VIRMA: variants seen among roughly 807,000 people sequenced by gnomAD.
VIRMA encodes the protein protein virilizer homolog.
VIRMA carries 65 observed loss-of-function variants against 182.4 expected under a neutral mutation model. The observed-to-expected ratio is 0.36, with a 90% CI of 0.29 to 0.44. VIRMA has a LOEUF of 0.44. Ranked by LOEUF, VIRMA falls within the 20% of genes least tolerant of loss-of-function variation. The pLI is 1.00. For synonymous variants in VIRMA, 709 were observed against 743.1 expected (o/e 0.95, Z 0.75); for missense variants, 1,752 against 2,158.1 (o/e 0.81, Z 3.73).
At chr8:94,510,879 T>C (rs1222255521) in intron 13 of VIRMA, 11 of 946,172 alleles carry the variant, frequency 1.2e-5, no homozygotes, top group Non-Finnish European at 1.7e-5. Context: ...TGAAGCAATC[T>C]AGTTATTGGC....
chr8:94,542,994 C>T (rs560731146), intron 2 of VIRMA, among the ~76,000 whole-genome samples: 41 of 152,164 alleles, frequency 2.7e-4, no homozygotes, highest in Admixed American at 9.8e-4. Flanking sequence ...CCACAACCTC[C>T]GCCTCCCAGG....
chr8:94,542,919 C>CT (rs1366863297), intron 2 of VIRMA, among the ~76,000 whole-genome samples: 5 of 151,790 alleles, frequency 3.3e-5, no homozygotes, highest in South Asian at 2.1e-4. Context: ...AACTCTTTTT[C>CT]TTTTTTTTGA....
At chr8:94,532,527 A>G (rs1229320943) in intron 5 of VIRMA, among the ~76,000 whole-genome samples, 1 of 152,236 alleles carries the variant, frequency 6.6e-6, no homozygotes, top group Non-Finnish European at 1.5e-5. Context: ...AATAAGCTCC[A>G]TAGATTACAC....
intron 22 of VIRMA, among the ~76,000 whole-genome samples, chr8:94,490,656 G>A (rs1482152721): frequency 6.6e-6 from 1 of 152,012 alleles, no homozygotes; most frequent in Non-Finnish European, 1.5e-5. Flanking sequence ...AGACCAGCCC[G>A]GCCAACATGG....
intron 2 of VIRMA, among the ~76,000 whole-genome samples, chr8:94,541,667 G>C (rs774006386): frequency 4.5e-4 from 68 of 152,086 alleles, no homozygotes; most frequent in Non-Finnish European, 4.4e-4. Flanking sequence ...TCAGCCTCCT[G>C]AGTAGCTGGG....
In VIRMA at chr8:94,491,664, G is replaced by T; in HGVS notation, c.5054C>A (p.Ser1685Tyr). 6.2e-7 allele frequency: 1 copy of T among 1,614,192 alleles called. No homozygotes were observed. Among genetic ancestry groups the T allele is most frequent in the Non-Finnish European group, 8.5e-7 (1 of 1,180,032 alleles). The change falls in exon 22 of 24, where the codon TCT becomes TAT. Residue 1685 changes from serine to tyrosine, a missense_variant. By Grantham distance (144) the Ser-to-Tyr change is moderately radical. This residue lies in a region of VIRMA where 132 missense variants were observed against 173.8 expected (regional missense o/e 0.76). Coordinates refer to ENST00000297591, the MANE Select transcript of VIRMA (RefSeq NM_015496.5). ...ATTGCCTGAAAACCCACCACGGGAAGAAATCTTCTGTGATACTTTGAGTGG... is the reference window on the plus strand; with the variant it reads ...ATTGCCTGAAAACCCACCACGGGAATAAATCTTCTGTGATACTTTGAGTGG... Reference protein sequence around the residue: ...KRPLKVSQKISSRGGFSGNRG... With the variant: ...KRPLKVSQKIYSRGGFSGNRG...
At chr8:94,506,797 A>G (rs1814167899) in intron 15 of VIRMA, 80 bp from the exon 16 acceptor site, 3 of 770,756 alleles carry the variant, frequency 3.9e-6, no homozygotes, top group Admixed American at 4.8e-5. Flanking sequence ...ATACATAGCA[A>G]TTAATATTCA....
intron 8 of VIRMA, among the ~76,000 whole-genome samples, chr8:94,522,995 G>GA (rs1163750213): frequency 6.6e-6 from 1 of 151,820 alleles, no homozygotes; most frequent in Non-Finnish European, 1.5e-5. Flanking sequence ...CATATGGTGG[G>GA]AAAAAAACAC....
chr8:94,519,527 T>C (rs1204565112), intron 8 of VIRMA, 51 bp from the exon 9 acceptor site: 1 of 1,499,482 alleles, frequency 6.7e-7, no homozygotes, highest in South Asian at 1.4e-5. Flanking sequence ...GCATTCTTCA[T>C]TTACTCAATA....
intron 3 of VIRMA, 95 bp downstream of exon 3, chr8:94,538,165 G>A: frequency 4.8e-6 from 4 of 828,892 alleles, no homozygotes; most frequent in Non-Finnish European, 8.3e-6. Flanking sequence ...GGGTCTACCA[G>A]CAGATACATC....
chr8:94,491,901 G>C lies in VIRMA; in HGVS notation c.4817C>G (p.Ser1606Cys). The C allele has an allele frequency of 6.5e-7, 1 of 1,540,212 alleles. No homozygotes were observed. Among genetic ancestry groups the C allele is most frequent in the South Asian group, 1.2e-5 (1 of 80,032 alleles). Reference sequence around the variant, plus strand: ...TCTTTTGGCAGGTTCAATGTATTCAGATTTTCCACTATTAAAACAAAAACA... The same window carrying C: ...TCTTTTGGCAGGTTCAATGTATTCACATTTTCCACTATTAAAACAAAAACA... ...HETFITSSGKSEYIEPAKRAH... is the reference protein window; with the variant it reads ...HETFITSSGKCEYIEPAKRAH... Residue 1606 changes from serine to cysteine, a missense_variant, in exon 22 of 24, where the codon TCT (serine) becomes TGT (cysteine). Around this residue, in one of 11 missense-constraint regions of VIRMA, gnomAD observed 27 missense variants for 60.8 expected, o/e 0.44. Coordinates refer to ENST00000297591, the MANE Select transcript of VIRMA (RefSeq NM_015496.5).
chr8:94,544,399 G>A (rs1191756483), intron 1 of VIRMA, among the ~76,000 whole-genome samples: 1 of 152,062 alleles, frequency 6.6e-6, no homozygotes, highest in African/African-American at 2.4e-5. Context: ...ATGGCCGGGC[G>A]CAGTGGCTCA....
intron 2 of VIRMA, among the ~76,000 whole-genome samples, chr8:94,540,450 T>TTTCTTC (rs201700301): frequency 6.8e-6 from 1 of 148,086 alleles, no homozygotes; most frequent in Non-Finnish European, 1.5e-5. Context: ...TTCTTTACTT[T>TTTCTTC]TTCTTCTTTT....
chr8:94,539,712 C>G (rs968651027), intron 2 of VIRMA, among the ~76,000 whole-genome samples: 3 of 152,016 alleles, frequency 2.0e-5, no homozygotes, highest in Non-Finnish European at 2.9e-5. Flanking sequence ...TTGAACGTAC[C>G]CCACAAAGTC....
rs563283685 is a variant in VIRMA, at chr8:94,516,082, T to C, written c.2669-1131A>G. Among the ~76,000 whole-genome samples, 59 of 152,224 alleles carry C rather than the reference T, an allele frequency of 3.9e-4. No individual in the cohort carries two copies. In the South Asian group the frequency reaches 0.011, roughly 28 times the overall value. ...GAGATCACACCACTACACTCCAGCCTGGAGACGGTGCGAGACTCTGTCTCA... is the reference window on the plus strand; with the variant it reads ...GAGATCACACCACTACACTCCAGCCCGGAGACGGTGCGAGACTCTGTCTCA... On this transcript the variant is annotated intron_variant, in intron 10 of 23. Coordinates refer to ENST00000297591, the MANE Select transcript of VIRMA (RefSeq NM_015496.5).
intron 1 of VIRMA, among the ~76,000 whole-genome samples, chr8:94,551,571 G>A (rs2130407685): frequency 6.6e-6 from 1 of 152,234 alleles, no homozygotes; most frequent in Admixed American, 6.5e-5. Context: ...CCAGAAGAAA[G>A]CATTTACCAT....
intron 1 of VIRMA, 122 bp downstream of exon 1, chr8:94,553,263 C>G: frequency 1.0e-6 from 1 of 956,188 alleles, no homozygotes; most frequent in Non-Finnish European, 1.7e-6. Flanking sequence ...GGGAGGGTGT[C>G]TGTGTGTAAG....
At chr8:94,532,200 G>A (rs1241887882) in intron 5 of VIRMA, among the ~76,000 whole-genome samples, 1 of 152,224 alleles carries the variant, frequency 6.6e-6, no homozygotes, top group African/African-American at 2.4e-5. Context: ...TCCACCACCA[G>A]GGTTCAAGTG....
At chr8:94,543,637 GT>G (rs777674098) in intron 2 of VIRMA, among the ~76,000 whole-genome samples, 189 bp downstream of exon 2, 2 of 151,726 alleles carry the variant, frequency 1.3e-5, no homozygotes, top group Non-Finnish European at 2.9e-5. Flanking sequence ...AATAATTACT[GT>G]TTTCAGGTTT....
Sources: allele counts gnomAD v4.1 joint callset (sites outside exome capture counted in the v4.1 genomes callset), GRCh38; gene constraint gnomAD v4.1.1; regional missense constraint gnomAD v4.1.1; transcripts MANE v1.5; gene names NCBI Gene and HGNC (gene_info 2026-07-23, HGNC 2026-07-21).